RELN: variants seen among roughly 807,000 people sequenced by gnomAD.
RELN encodes reelin.
Under a neutral mutation model 427.6 loss-of-function variants are expected in RELN, and 108 were observed. That is an observed-to-expected ratio of 0.25 (90% CI 0.22 to 0.30). The LOEUF (loss-of-function observed/expected upper bound fraction) is 0.30. Among genes scored for constraint, RELN ranks in the 10% least tolerant of loss-of-function variants. The probability of loss-of-function intolerance (pLI) is 1.00; values close to 1 mark genes in which losing one functional copy is unlikely to be tolerated. For synonymous variants in RELN, 1,524 were observed against 1,513.4 expected (o/e 1.01, Z -0.16); for missense variants, 3,715 against 4,302.8 (o/e 0.86, Z 3.82).
intron 10 of RELN, among the ~76,000 whole-genome samples, chr7:103,686,687 T>A (rs1226052665): frequency 1.3e-5 from 2 of 152,180 alleles, no homozygotes; most frequent in Admixed American, 6.6e-5. Context: ...ATTGACTAAT[T>A]TATAGTCTAC....
rs969429171 is a variant in RELN, at chr7:103,563,353, G to A, written c.5211-1400C>T. Among the ~76,000 whole-genome samples, 1 of 152,282 alleles carries A rather than the reference G, an allele frequency of 6.6e-6. No individual in the cohort carries two copies. On this transcript the variant is annotated intron_variant, in intron 34 of 64. Transcript: ENST00000428762. The surrounding 1 kb of genome is among the most constrained non-coding windows in gnomAD (Gnocchi z 4.1). ...TGATTCTGACCTTGTGTATGCCAAGGCTAATAATGTGTATTTTTGTGTCTA... is the reference window on the plus strand; with the variant it reads ...TGATTCTGACCTTGTGTATGCCAAGACTAATAATGTGTATTTTTGTGTCTA...
chr7:103,987,328 C>T (rs1584424002), intron 1 of RELN, among the ~76,000 whole-genome samples: 2 of 152,104 alleles, frequency 1.3e-5, no homozygotes, highest in East Asian at 3.9e-4. Flanking sequence ...TCTATGTTAT[C>T]CATTCCTTTT....
At chr7:103,530,136 TC>T (rs1420948773) in intron 46 of RELN, among the ~76,000 whole-genome samples, 1 of 152,212 alleles carries the variant, frequency 6.6e-6, no homozygotes, top group Non-Finnish European at 1.5e-5. Flanking sequence ...TCTCTTGGTC[TC>T]AGATCTTCAT....
chr7:103,610,650 T>G (rs1831928977), intron 22 of RELN, 45 bp downstream of exon 22: 1 of 930,422 alleles, frequency 1.1e-6, no homozygotes. Flanking sequence ...TCAAAAGGGA[T>G]AGTCAAAGTT....
At position 103,573,543 on chromosome 7, in the gene RELN, T is replaced by C. The variant is rs1350549403; in HGVS notation, c.4511+549A>G. 6.6e-6 allele frequency among the ~76,000 whole-genome samples: 1 copy of C among 152,256 alleles called. No homozygotes were observed. Among genetic ancestry groups the C allele is most frequent in the Non-Finnish European group, 1.5e-5 (1 of 68,044 alleles). ...TTTTAAACATTTTCTCTATTTCCTTTCTTCCACTTCTCAAATAATTTAATT... is the reference window on the plus strand; with the variant it reads ...TTTTAAACATTTTCTCTATTTCCTTCCTTCCACTTCTCAAATAATTTAATT... On this transcript the variant is annotated intron_variant, in intron 30 of 64. Coordinates refer to ENST00000428762, the MANE Select transcript of RELN (RefSeq NM_005045.4). This position sits in a 1 kb window ranked among gnomAD's most constrained non-coding sequence, Gnocchi z 4.4.
chr7:103,578,507 C>G, intron 28 of RELN, among the ~76,000 whole-genome samples: 1 of 152,144 alleles, frequency 6.6e-6, no homozygotes, highest in Non-Finnish European at 1.5e-5. Flanking sequence ...AGGTGCAACT[C>G]AAGGCAATAA....
At chr7:103,955,434 G>A (rs530828043) in intron 1 of RELN, among the ~76,000 whole-genome samples, 1 of 152,274 alleles carries the variant, frequency 6.6e-6, no homozygotes, top group South Asian at 2.1e-4. Flanking sequence ...CAGCAGCACA[G>A]AAATGGTTAT....
chr7:103,522,766 T>C (rs1189506421), intron 47 of RELN, among the ~76,000 whole-genome samples: 1 of 150,672 alleles, frequency 6.6e-6, no homozygotes, highest in African/African-American at 2.5e-5. Flanking sequence ...AAAAAAGACT[T>C]CCCAGGTGTA....
rs145504401 is a variant in RELN at position 103,842,528 on chromosome 7, G to A, written c.338-8856C>T. Among the ~76,000 whole-genome samples the A allele has an allele frequency of 5.7e-4, 86 of 152,192 alleles. No homozygotes were observed. In the East Asian group the frequency reaches 0.016, roughly 28 times the overall value. ...AGAATTTCCTAAAAACACCCTTATT[G>A]CAGCTTATCTGTGAAGTACCAGCCT... On this transcript the variant is annotated intron_variant, in intron 2 of 64. Coordinates refer to ENST00000428762, the MANE Select transcript of RELN (RefSeq NM_005045.4).
intron 3 of RELN, among the ~76,000 whole-genome samples, chr7:103,777,791 T>G (rs1324054505): frequency 6.6e-6 from 1 of 152,106 alleles, no homozygotes; most frequent in East Asian, 1.9e-4. Context: ...CCCAAGTCTC[T>G]GAAGGTAATC....
intron 41 of RELN, among the ~76,000 whole-genome samples, chr7:103,547,380 T>C (rs753360123): frequency 6.6e-6 from 1 of 152,204 alleles, no homozygotes; most frequent in Non-Finnish European, 1.5e-5. Flanking sequence ...CACTGCAACC[T>C]CCACCTCCAG....
chr7:103,683,934 G>A (rs1052968255), intron 10 of RELN, among the ~76,000 whole-genome samples: 1 of 152,132 alleles, frequency 6.6e-6, no homozygotes, highest in Admixed American at 6.6e-5. Flanking sequence ...GGCTTGCTCT[G>A]CTCCTCACCA....
intron 2 of RELN, among the ~76,000 whole-genome samples, chr7:103,874,261 G>A (rs1409676099): frequency 8.2e-6 from 1 of 122,282 alleles, no homozygotes; most frequent in Non-Finnish European, 1.8e-5. Context: ...TACTGAATGG[G>A]CAAAAACTGG....
At chr7:103,784,062 T>TTA (rs1314708807) in intron 3 of RELN, among the ~76,000 whole-genome samples, 1 of 152,128 alleles carries the variant, frequency 6.6e-6, no homozygotes, top group Non-Finnish European at 1.5e-5. Flanking sequence ...GGAGGGAAGA[T>TTA]ACCCACAAGC....
intron 10 of RELN, among the ~76,000 whole-genome samples, chr7:103,686,036 C>A (rs1161266998): frequency 6.6e-6 from 1 of 152,176 alleles, no homozygotes. Flanking sequence ...AAGATGAACA[C>A]CGAAGCACCT....
intron 9 of RELN, among the ~76,000 whole-genome samples, chr7:103,698,921 C>T (rs1834034286): frequency 6.6e-6 from 1 of 152,016 alleles, no homozygotes; most frequent in Non-Finnish European, 1.5e-5. Context: ...TTTCTACTAA[C>T]CAGATGTTTT....
At chr7:103,764,142 G>A (rs1791370212) in intron 4 of RELN, among the ~76,000 whole-genome samples, 1 of 152,132 alleles carries the variant, frequency 6.6e-6, no homozygotes, top group Admixed American at 6.6e-5. Flanking sequence ...GTGCCTAAAT[G>A]ACACCCAAAT....
chr7:103,751,647 C>T (rs71558649), intron 5 of RELN, among the ~76,000 whole-genome samples: 16,179 of 152,256 alleles, frequency 0.11, 891 homozygotes, highest in South Asian at 0.17. Flanking sequence ...CCAATCTGGC[C>T]GAGACTTGGC....
chr7:103,933,821 ATGC>A (rs1795917251), intron 1 of RELN, among the ~76,000 whole-genome samples: 2 of 152,170 alleles, frequency 1.3e-5, no homozygotes, highest in East Asian at 3.9e-4. Flanking sequence ...ACGTGGCCTC[ATGC>A]AGATTGATTA....
Sources: gnomAD v4.1 joint callset for allele counts (sites outside exome capture counted in the v4.1 genomes callset) on GRCh38, gnomAD v4.1.1 for gene constraint, Gnocchi (gnomAD v3.1) non-coding constraint, MANE v1.5 for transcripts, NCBI Gene and HGNC (gene_info 2026-07-23, HGNC 2026-07-21) for gene names.